The following RMST variants were observed in gnomAD, a reference collection of about 807,000 sequenced individuals.
The protein encoded by RMST is rhabdomyosarcoma 2 associated transcript.
intron 11 of RMST, among the ~76,000 whole-genome samples, chr12:97,544,215 G>A (rs1462515771): frequency 2.0e-5 from 3 of 151,958 alleles, no homozygotes; most frequent in Non-Finnish European, 4.4e-5. Flanking sequence ...GTTTTATCTT[G>A]GCTTACTCAT....
chr12:97,487,787 G>A (rs958621055), intron 5 of RMST, among the ~76,000 whole-genome samples: 8 of 152,150 alleles, frequency 5.3e-5, no homozygotes, highest in South Asian at 4.1e-4. Context: ...TTAGCTCCTC[G>A]CAGTCTTTGT....
chr12:97,489,804 T>G (rs1260098060), intron 5 of RMST, among the ~76,000 whole-genome samples: 1 of 152,252 alleles, frequency 6.6e-6, no homozygotes, highest in Admixed American at 6.5e-5. Flanking sequence ...ATATGTGTCA[T>G]GCACTGGGGT....
intron 11 of RMST, among the ~76,000 whole-genome samples, chr12:97,531,772 A>G (rs1665470378): frequency 6.6e-6 from 1 of 151,990 alleles, no homozygotes; most frequent in South Asian, 2.1e-4. Context: ...CCACTATATC[A>G]TGGCAAAATG....
intron 11 of RMST, among the ~76,000 whole-genome samples, chr12:97,536,224 A>G (rs576614666): frequency 6.6e-6 from 1 of 151,724 alleles, no homozygotes; most frequent in East Asian, 1.9e-4. Context: ...AATATGTGGA[A>G]AAAATATTTT....
intron 10 of RMST, among the ~76,000 whole-genome samples, chr12:97,500,206 A>G (rs1310425802): frequency 6.6e-6 from 1 of 152,226 alleles, no homozygotes; most frequent in Non-Finnish European, 1.5e-5. Context: ...ATGTAAGAGA[A>G]GAAACGTCCG....
At chr12:97,544,681 T>A (rs557918979) in intron 11 of RMST, among the ~76,000 whole-genome samples, 4 of 152,154 alleles carry the variant, frequency 2.6e-5, no homozygotes, top group African/African-American at 9.6e-5. Context: ...GCAATATTAT[T>A]TTATCAACTA....
rs151315820 is a variant in RMST, at chr12:97,475,687, G to C, written n.644+9960G>C. ...ACACTTTACAGGTTACTATACAGAG[G>C]TTTAGAGAGGTTAAAAGAAAAAAAC... On this transcript the variant is annotated intron_variant and non_coding_transcript_variant, in intron 5 of 13. Coordinates refer to ENST00000640149, the Ensembl canonical transcript of RMST. Among the ~76,000 whole-genome samples the C allele has an allele frequency of 3.0e-3, 457 of 151,406 alleles. 5 individuals carry two copies. Among genetic ancestry groups the C allele is most frequent in the African/African-American group, 0.011 (444 of 41,286 alleles).
At chr12:97,486,851 A>G (rs1876171583) in intron 5 of RMST, among the ~76,000 whole-genome samples, 1 of 152,218 alleles carries the variant, frequency 6.6e-6, no homozygotes, top group Non-Finnish European at 1.5e-5. Context: ...GAACGACTGT[A>G]ATTTTGCACA....
Position 97,538,523 on chromosome 12 carries a change from C to G in RMST, n.1545+7664C>G, listed in dbSNP as rs369992155. Among the ~76,000 whole-genome samples, 13 of 151,366 alleles carry G rather than the reference C, an allele frequency of 8.6e-5. 1 individual carries two copies. The highest frequency in any genetic ancestry group is 3.1e-4 in the African/African-American group (13 of 41,436). ...GTGAAGAAATAATGGACCCATCTTT[C>G]CTTTCCCAAGAGGCTAAATAACTGT... On this transcript the variant is annotated intron_variant and non_coding_transcript_variant, in intron 11 of 13. Transcript: ENST00000640149.
chr12:97,474,717 G>A (rs1874342354), intron 5 of RMST, among the ~76,000 whole-genome samples: 1 of 147,370 alleles, frequency 6.8e-6, no homozygotes, highest in African/African-American at 2.5e-5. Flanking sequence ...CAGAAGAGTT[G>A]AAAGAAAATA....
intron 10 of RMST, among the ~76,000 whole-genome samples, chr12:97,497,683 T>C (rs879938497): frequency 5.3e-5 from 8 of 152,086 alleles, no homozygotes; most frequent in Non-Finnish European, 1.0e-4. Flanking sequence ...AGGATGATTT[T>C]TTTTTTTTTG....
At chr12:97,517,653 T>C (rs888797153) in intron 10 of RMST, among the ~76,000 whole-genome samples, 6 of 152,030 alleles carry the variant, frequency 3.9e-5, no homozygotes, top group Admixed American at 3.3e-4. Context: ...AACTGCATAG[T>C]TTTCCATACT....
Position 97,563,929 on chromosome 12 carries a change from A to C in RMST, n.1959-221A>C, listed in dbSNP as rs147867576. On this transcript the variant is annotated intron_variant and non_coding_transcript_variant, in intron 13 of 13. Coordinates refer to ENST00000640149, the Ensembl canonical transcript of RMST. ...AAAAATCATCAACTAAGAAGGGGCC[A>C]TCAGTATAGAGAACGTTAGCCTGTG... The C allele has an allele frequency of 2.1e-4, 102 of 496,082 alleles. 1 individual carries two copies. The East Asian group carries it at 5.0e-3, about 25-fold the overall frequency. 30.7% of individuals were successfully genotyped at this position (496,082 alleles called of 1,614,324 possible).
chr12:97,550,078 T>C (rs1883204500), intron 11 of RMST, among the ~76,000 whole-genome samples: 1 of 152,214 alleles, frequency 6.6e-6, no homozygotes, highest in African/African-American at 2.4e-5. Flanking sequence ...AATGGTATCA[T>C]TGGTGAAGCA....
intron 5 of RMST, among the ~76,000 whole-genome samples, chr12:97,470,946 G>C (rs948839938): frequency 6.6e-6 from 1 of 151,980 alleles, no homozygotes; most frequent in Admixed American, 6.6e-5. Context: ...CAAACTCCTA[G>C]TGCAAATCTC....
chr12:97,541,979 A>C lies in RMST; in HGVS notation n.1545+11120A>C, dbSNP rs559687335. 3.9e-3 allele frequency among the ~76,000 whole-genome samples: 595 copies of C among 152,064 alleles called. 3 individuals are homozygous for C. Among genetic ancestry groups the C allele is most frequent in the Non-Finnish European group, 6.8e-3 (461 of 67,892 alleles). On this transcript the variant is annotated intron_variant and non_coding_transcript_variant, in intron 11 of 13. Coordinates refer to ENST00000640149, the Ensembl canonical transcript of RMST. ...ATAATTACTATATGCTTATTGCAAC[A>C]ATGATATCATTAACAGATAAATTAT...
At chr12:97,478,354 A>G (rs1178775510) in intron 5 of RMST, among the ~76,000 whole-genome samples, 1 of 152,236 alleles carries the variant, frequency 6.6e-6, no homozygotes, top group Non-Finnish European at 1.5e-5. Context: ...TAACCAGATT[A>G]TCTGTAGTCT....
intron 10 of RMST, among the ~76,000 whole-genome samples, chr12:97,512,092 G>C (rs553216503): frequency 2.0e-5 from 3 of 152,106 alleles, no homozygotes; most frequent in Admixed American, 1.3e-4. Flanking sequence ...CTGGCGTTCG[G>C]ATGTGTTCAG....
intron 10 of RMST, among the ~76,000 whole-genome samples, chr12:97,512,491 C>T (rs978913364): frequency 6.6e-6 from 1 of 152,232 alleles, no homozygotes; most frequent in South Asian, 2.1e-4. Flanking sequence ...CTGATTGGTG[C>T]GTTTACAATC....
Sources: allele counts gnomAD v4.1 joint callset (sites outside exome capture counted in the v4.1 genomes callset), GRCh38; gene constraint gnomAD v4.1.1; transcripts MANE v1.5; gene names NCBI Gene and HGNC (gene_info 2026-07-23, HGNC 2026-07-21).